FNBP1: variants seen among roughly 807,000 people sequenced by gnomAD.
FNBP1 encodes the protein formin binding protein 1, also known as formin-binding protein 1.
FNBP1 carries 26 observed loss-of-function variants against 90.6 expected under a neutral mutation model. The ratio of observed to expected loss-of-function variants is 0.29; its 90% CI spans 0.21 to 0.40. The LOEUF (loss-of-function observed/expected upper bound fraction) is 0.40. Ranked by LOEUF, FNBP1 falls within the 10% of genes least tolerant of loss-of-function variation. The pLI, the probability that FNBP1 is intolerant of heterozygous loss-of-function variation, is 1.00. For synonymous variants in FNBP1, 260 were observed against 265.2 expected (o/e 0.98, Z 0.19); for missense variants, 635 against 768.0 (o/e 0.83, Z 2.05).
At chr9:130,027,957 T>G (rs2058499909) in intron 1 of FNBP1, among the ~76,000 whole-genome samples, 1 of 151,938 alleles carries the variant, frequency 6.6e-6, no homozygotes, top group Non-Finnish European at 1.5e-5. Flanking sequence ...CTCATTGTGT[T>G]GCTCAGGGTA....
chr9:130,011,765 G>T (rs868450191), intron 1 of FNBP1, among the ~76,000 whole-genome samples: 7 of 152,118 alleles, frequency 4.6e-5, no homozygotes, highest in Admixed American at 1.3e-4. Context: ...CAACATTAAA[G>T]AAAAACAGAA....
intron 1 of FNBP1, among the ~76,000 whole-genome samples, chr9:130,017,253 G>A (rs949322880): frequency 6.6e-6 from 1 of 152,146 alleles, no homozygotes; most frequent in Non-Finnish European, 1.5e-5. Flanking sequence ...CAAAGAATGT[G>A]AGATATCTAA....
intron 4 of FNBP1, among the ~76,000 whole-genome samples, chr9:129,977,094 G>A (rs1004427650): frequency 6.6e-6 from 1 of 151,854 alleles, no homozygotes; most frequent in African/African-American, 2.4e-5. Context: ...GGGGGGCGGA[G>A]GTTTCAGGGA....
chr9:129,911,223 CTA>C (rs774437658), intron 11 of FNBP1, among the ~76,000 whole-genome samples: 1 of 152,136 alleles, frequency 6.6e-6, no homozygotes, highest in Non-Finnish European at 1.5e-5. Context: ...CAGAATCTCT[CTA>C]TCTGACCTCC....
At chr9:130,053,573 G>A in the FNBP1 span, 1 of 305,248 alleles carries the variant, frequency 3.3e-6, no homozygotes, top group East Asian at 8.8e-5. Context: ...CCGTGCGGCT[G>A]ACACAGCTTA....
At chr9:129,914,789 ATATATC>A (rs2039997646) in intron 11 of FNBP1, 1 of 149,338 alleles carries the variant, frequency 6.7e-6, no homozygotes, top group Non-Finnish European at 1.4e-5. Context: ...ATATATATAT[ATATATC>A]TCACCATAAA....
At position 129,890,468 on chromosome 9, in the gene FNBP1, G is replaced by A. The variant is rs554214454; in HGVS notation, c.*71C>T. The A allele has an allele frequency of 5.2e-5, 70 of 1,349,542 alleles. No individual in the cohort carries two copies. In the African/African-American group the frequency reaches 8.2e-4, roughly 16 times the overall value. The allele number at this position is 1,349,542 out of a possible 1,614,324, so 83.6% of individuals were successfully genotyped here. A position where few individuals can be genotyped will look rare whatever the true frequency, so the allele number is the denominator to read the frequency against. ...TGGGCTGTCCACAGGGCAGGGCGCT[G>A]GAGGCCTGTGGGAACAAGCAGACGG... On this transcript the variant is annotated 3_prime_UTR_variant, in exon 17 of 17. Transcript: ENST00000446176. This position sits in a 1 kb window ranked among gnomAD's most constrained non-coding sequence, Gnocchi z 5.8.
Position 129,978,496 on chromosome 9 carries a change from T to C in FNBP1, c.314A>G (p.Tyr105Cys), listed in dbSNP as rs1172028999. 1.2e-6 allele frequency: 2 copies of C among 1,613,870 alleles called. No homozygotes were observed. Among genetic ancestry groups the C allele is most frequent in the Non-Finnish European group, 1.7e-6 (2 of 1,179,800 alleles). ...ASQIIVDLAR[Y>C]VQELKQERKS... ...CCTCTCCTGTTTCAGTTCCTGAACA[T>C]AGCGTGCCAAGTCCACAATGATCTG... The change falls in exon 4 of 17, where the codon TAT becomes TGT. Residue 105 changes from tyrosine to cysteine, a missense_variant. Coordinates refer to ENST00000446176, the MANE Select transcript of FNBP1 (RefSeq NM_015033.3).
chr9:130,005,227 C>T (rs546865364), intron 1 of FNBP1, among the ~76,000 whole-genome samples: 11 of 151,736 alleles, frequency 7.2e-5, no homozygotes, highest in Admixed American at 7.2e-4. Flanking sequence ...CACAGCCAGA[C>T]TCTGTCTCAA....
chr9:129,988,931 GAT>G (rs1189404247), intron 2 of FNBP1, among the ~76,000 whole-genome samples: 2 of 152,114 alleles, frequency 1.3e-5, no homozygotes, highest in Non-Finnish European at 2.9e-5. Context: ...AATATTTAAT[GAT>G]AGTTATCTCT....
chr9:129,989,902 G>A (rs1319554014), intron 2 of FNBP1, among the ~76,000 whole-genome samples: 1 of 152,112 alleles, frequency 6.6e-6, no homozygotes, highest in Admixed American at 6.6e-5. Context: ...GCCGGGTGTG[G>A]CAGCGCATTC....
chr9:130,031,473 C>T lies in FNBP1; in HGVS notation c.24+11479G>A, dbSNP rs1342078934. ...CCATGACCCTTTGGACATACCATTT[C>T]CTCCTTCTTTTCCCGGAAGGCTCTG... On this transcript the variant is annotated intron_variant, in intron 1 of 16. Transcript: ENST00000446176. The surrounding 1 kb of genome is among the most constrained non-coding windows in gnomAD (Gnocchi z 4.2). Among the ~76,000 whole-genome samples, 1 of 152,130 alleles carries T rather than the reference C, an allele frequency of 6.6e-6. No individual in the cohort carries two copies. Among genetic ancestry groups the T allele is most frequent in the African/African-American group, 2.4e-5 (1 of 41,418 alleles).
intron 12 of FNBP1, among the ~76,000 whole-genome samples, chr9:129,906,321 T>C (rs576882719): frequency 1.3e-5 from 2 of 152,226 alleles, no homozygotes; most frequent in Non-Finnish European, 2.9e-5. Flanking sequence ...AATGTTCTTA[T>C]GTGGGCTTGA....
At chr9:129,901,275 G>A (rs1260734774) in intron 13 of FNBP1, among the ~76,000 whole-genome samples, 3 of 151,360 alleles carry the variant, frequency 2.0e-5, no homozygotes, top group Non-Finnish European at 4.4e-5. Context: ...GGGTGGTGGT[G>A]AGCGCCTGTA....
chr9:129,931,890 A>C (rs1564364692), intron 6 of FNBP1, among the ~76,000 whole-genome samples: 1 of 151,996 alleles, frequency 6.6e-6, no homozygotes, highest in South Asian at 2.1e-4. Flanking sequence ...AAAGACAGAA[A>C]AGAAGAAAAG....
intron 9 of FNBP1, among the ~76,000 whole-genome samples, chr9:129,924,386 C>T (rs2041572542): frequency 6.6e-6 from 1 of 152,146 alleles, no homozygotes; most frequent in South Asian, 2.1e-4. Context: ...GAAAGACCTT[C>T]AATGCTAAGG....
Position 129,992,199 on chromosome 9 carries a change from C to T in FNBP1, c.140+2644G>A, listed in dbSNP as rs528245562. ...AGCAGGGGCCAGCAAGGGAGACTGT[C>T]GTGGGAAGAATACCAGTAGCCCGCT... On this transcript the variant is annotated intron_variant, in intron 2 of 16. Transcript: ENST00000446176. 3.3e-5 allele frequency among the ~76,000 whole-genome samples: 5 copies of T among 152,252 alleles called. No individual in the cohort carries two copies. The South Asian group carries it at 6.2e-4, about 19-fold the overall frequency.
upstream of FNBP1, among the ~76,000 whole-genome samples, chr9:130,045,945 C>T (rs1203588477): frequency 2.6e-5 from 4 of 152,060 alleles, no homozygotes; most frequent in African/African-American, 9.7e-5. Context: ...CAGTTTTCAC[C>T]AGGGGTACTC....
At position 129,919,187 on chromosome 9, in the gene FNBP1, G is replaced by A. The variant is rs751712468; in HGVS notation, c.1171-3207C>T. On this transcript the variant is annotated intron_variant, in intron 10 of 16. Transcript: ENST00000446176. ...ATAGTCCCTAGCCTCAAAGGCATAC[G>A]TGGGTTTCCCTATCGTCCTCTTCAT... 7.1e-5 allele frequency: 92 copies of A among 1,302,684 alleles called. No individual in the cohort carries two copies. The African/African-American group carries it at 1.1e-3, about 16-fold the overall frequency. The allele number at this position is 1,302,684 out of a possible 1,614,324, so 80.7% of individuals were successfully genotyped here.
Sources: gnomAD v4.1 joint callset for allele counts (sites outside exome capture counted in the v4.1 genomes callset) on GRCh38, gnomAD v4.1.1 for gene constraint, Gnocchi (gnomAD v3.1) non-coding constraint, MANE v1.5 for transcripts, NCBI Gene and HGNC (gene_info 2026-07-23, HGNC 2026-07-21) for gene names.